MYBPC2: variants seen among roughly 807,000 people sequenced by gnomAD.
The protein encoded by MYBPC2 is myosin binding protein C2.
Under a neutral mutation model 137.0 loss-of-function variants are expected in MYBPC2, and 122 were observed. The ratio of observed to expected loss-of-function variants is 0.89; its 90% CI spans 0.77 to 1.03. The LOEUF is 1.03. MYBPC2 is among the 50% of genes least tolerant of loss of function. The pLI, the probability that MYBPC2 is intolerant of heterozygous loss-of-function variation, is 0.00. For synonymous variants in MYBPC2, 626 were observed against 612.3 expected (o/e 1.02, Z -0.33); for missense variants, 1,500 against 1,534.4 (o/e 0.98, Z 0.37).
At chr19:50,438,513 A>C (rs1188117342) in intron 7 of MYBPC2, among the ~76,000 whole-genome samples, 1 of 152,186 alleles carries the variant, frequency 6.6e-6, no homozygotes, top group Non-Finnish European at 1.5e-5. Flanking sequence ...TGACACGCCC[A>C]TCCACACAGA....
Position 50,440,898 on chromosome 19 carries a change from G to A in MYBPC2, c.591G>A (p.Glu197=), listed in dbSNP as rs1254619596. 3.1e-6 allele frequency: 5 copies of A among 1,611,684 alleles called. No individual in the cohort carries two copies. The East Asian group carries it at 6.7e-5, about 22-fold the overall frequency. The change falls in exon 8 of 28, where the codon GAG becomes GAA. Residue 197 remains glutamate (E), a synonymous_variant. Transcript: ENST00000357701. ...LLKKREVVEE[E]KKKKKKDDDD... ...CCGCCAGGGAGGTGGTGGAGGAGGAGAAGAAGAAGAAAAAGAAAGATGACG... is the reference window on the plus strand; with the variant it reads ...CCGCCAGGGAGGTGGTGGAGGAGGAAAAGAAGAAGAAAAAGAAAGATGACG...
rs763154867 is a variant in MYBPC2, at chr19:50,436,795, A to C, written c.463+61A>C. 1,198 of 1,500,760 alleles carry C rather than the reference A, an allele frequency of 8.0e-4. 4 individuals are homozygous for C. Among genetic ancestry groups the C allele is most frequent in the Non-Finnish European group, 8.8e-4 (950 of 1,082,152 alleles). The allele number at this position is 1,500,760 out of a possible 1,614,324, so 93.0% of individuals were successfully genotyped here. A position where few individuals can be genotyped will look rare whatever the true frequency, so the allele number is the denominator to read the frequency against. Reference sequence around the variant, plus strand: ...ATGTCTGGGTGGGGTGGACAGATGTACCAGCCAGGTGTTGGGAGAGTGCAC... The same window carrying C: ...ATGTCTGGGTGGGGTGGACAGATGTCCCAGCCAGGTGTTGGGAGAGTGCAC... On this transcript the variant is annotated intron_variant, in intron 5 of 27. Coordinates refer to ENST00000357701, the MANE Select transcript of MYBPC2 (RefSeq NM_004533.4).
At chr19:50,452,500 G>C (rs57359208) in intron 16 of MYBPC2, among the ~76,000 whole-genome samples, 16,418 of 93,046 alleles carry the variant, frequency 0.18, 1,377 homozygotes, top group African/African-American at 0.38. Flanking sequence ...ATGTATGTAT[G>C]TATGTATGTA....
intron 1 of MYBPC2, 71 bp downstream of exon 1, chr19:50,433,043 T>C (rs1418063589): frequency 4.7e-6 from 7 of 1,497,012 alleles, no homozygotes; most frequent in Non-Finnish European, 6.2e-6. Flanking sequence ...GGGACCCCTC[T>C]GTTTGTAGGG....
chr19:50,446,512 TAAAACA>T (rs998688068), intron 12 of MYBPC2, among the ~76,000 whole-genome samples: 18 of 125,940 alleles, frequency 1.4e-4, no homozygotes, highest in Non-Finnish European at 2.5e-4. Context: ...GACTCTGTCT[TAAAACA>T]AAAACAAAAA....
intron 24 of MYBPC2, 141 bp downstream of exon 24, chr19:50,460,320 C>G: frequency 8.2e-7 from 1 of 1,219,528 alleles, no homozygotes; most frequent in Non-Finnish European, 1.1e-6. Flanking sequence ...AGCCTTTTAG[C>G]TGAGACTTGG....
chr19:50,437,202 AATG>A (rs1345633475), intron 5 of MYBPC2, among the ~76,000 whole-genome samples: 1 of 151,892 alleles, frequency 6.6e-6, no homozygotes, highest in Non-Finnish European at 1.5e-5. Context: ...GTGCACAGGA[AATG>A]AGATTGTCCA....
chr19:50,457,317 T>C (rs1295421921), intron 20 of MYBPC2, among the ~76,000 whole-genome samples: 1 of 152,162 alleles, frequency 6.6e-6, no homozygotes, highest in Non-Finnish European at 1.5e-5. Flanking sequence ...CTCTGTTGAT[T>C]GCTGCTCTGA....
intron 26 of MYBPC2, 198 bp from the exon 27 acceptor site, chr19:50,464,148 C>T (rs531739207): frequency 2.5e-5 from 13 of 528,812 alleles, no homozygotes; most frequent in Non-Finnish European, 3.7e-5. Context: ...AAGACCCCAC[C>T]GTTACCCTGT....
intron 1 of MYBPC2, among the ~76,000 whole-genome samples, chr19:50,433,359 G>A (rs2039674159): frequency 1.3e-5 from 2 of 151,512 alleles, no homozygotes; most frequent in South Asian, 4.2e-4. Context: ...TGGGGATGGG[G>A]GTCTGTGTGT....
At chr19:50,451,415 C>A in intron 15 of MYBPC2, 106 bp downstream of exon 15, 1 of 466,228 alleles carries the variant, frequency 2.1e-6, no homozygotes, top group Non-Finnish European at 3.3e-6. Context: ...GAAGGATGGG[C>A]GGGGTGCGGG....
intron 11 of MYBPC2, among the ~76,000 whole-genome samples, chr19:50,445,549 C>T (rs1013270223): frequency 5.3e-5 from 8 of 152,046 alleles, no homozygotes; most frequent in Admixed American, 1.3e-4. Flanking sequence ...CCCACCACCA[C>T]ACCTGCCTAA....
In MYBPC2 at chr19:50,435,387, G is replaced by A. The variant is rs561139114; in HGVS notation, c.109+137G>A. ...GCCCCAGGGCTGACCCACGCCTCCC[G>A]TGCTCCCAGCCCTCCCGGGGCTCCC... On this transcript the variant is annotated intron_variant, in intron 2 of 27. Coordinates refer to ENST00000357701, the MANE Select transcript of MYBPC2 (RefSeq NM_004533.4). The surrounding 1 kb of genome is among the most constrained non-coding windows in gnomAD (Gnocchi z 4.8). 1.4e-4 allele frequency: 93 copies of A among 649,326 alleles called. No individual in the cohort carries two copies. Among genetic ancestry groups the A allele is most frequent in the South Asian group, 1.4e-3 (81 of 59,592 alleles). The allele number at this position is 649,326 out of a possible 1,614,324, so 40.2% of individuals were successfully genotyped here.
chr19:50,459,127 A>G lies in MYBPC2; in HGVS notation c.2612A>G (p.Gln871Arg). 1 of 1,406,052 alleles carries G rather than the reference A, an allele frequency of 7.1e-7. No homozygotes were observed. The highest frequency in any genetic ancestry group is 9.5e-7 in the Non-Finnish European group (1 of 1,053,122). The allele number at this position is 1,406,052 out of a possible 1,614,324, so 87.1% of individuals were successfully genotyped here. A position where few individuals can be genotyped will look rare whatever the true frequency, so the allele number is the denominator to read the frequency against. ...TCCCCGCAGGGAAAGCCCCGGCCCC[A>G]GGTGGTGTGGACCAAGGGCGGGGCC... ...VVPFQGKPRP[Q>R]VVWTKGGAPL... The change falls in exon 23 of 28, where the codon CAG (glutamine) becomes CGG (arginine). Residue 871 changes from glutamine to arginine, a missense_variant. Physicochemically the swap from Gln to Arg is conservative, Grantham distance 43 (BLOSUM62 1). Transcript: ENST00000357701.
chr19:50,446,276 C>T (rs1487127396), intron 12 of MYBPC2, among the ~76,000 whole-genome samples: 5 of 152,156 alleles, frequency 3.3e-5, no homozygotes, highest in South Asian at 2.1e-4. Context: ...TTTGGGAGGC[C>T]GAGGCGGGTG....
Position 50,461,950 on chromosome 19 carries a change from C to G in MYBPC2, c.3142C>G (p.Pro1048Ala), listed in dbSNP as rs1256420264. ...EYKEHDFRMA[P>A]KFLTPLIDRV... ...TAAGGAGCATGACTTCCGGATGGCTCCCAAGTTCCTGACACCTCTCATAGA... is the reference window on the plus strand; with the variant it reads ...TAAGGAGCATGACTTCCGGATGGCTGCCAAGTTCCTGACACCTCTCATAGA... The change falls in exon 26 of 28, where the codon CCC (proline) becomes GCC (alanine). Residue 1048 changes from proline (P) to alanine (A), a missense_variant. Physicochemically the swap from Pro to Ala is conservative, Grantham distance 27. Transcript: ENST00000357701. The G allele has an allele frequency of 1.3e-6, 2 of 1,590,746 alleles. No individual in the cohort carries two copies. The highest frequency in any genetic ancestry group is 1.8e-5 in the Admixed American group (1 of 56,860).
intron 25 of MYBPC2, 30 bp downstream of exon 25, chr19:50,461,731 C>T: frequency 1.2e-6 from 2 of 1,611,548 alleles, no homozygotes; most frequent in Non-Finnish European, 1.7e-6. Context: ...CAGCCCAGGC[C>T]CACCCCGTCC....
rs140556932 is a variant in MYBPC2 at position 50,454,258 on chromosome 19, C to A, written c.1910-7C>A. On this transcript the variant is annotated splice_region_variant and splice_polypyrimidine_tract_variant and intron_variant, in intron 17 of 27. Transcript: ENST00000357701. ...GAGGGGCCACCTGACTCTCCTGCCCCCTGCAGATGTCCCAGACCCCCCGGA... is the reference window on the plus strand; with the variant it reads ...GAGGGGCCACCTGACTCTCCTGCCCACTGCAGATGTCCCAGACCCCCCGGA... 6 of 1,613,826 alleles carry A rather than the reference C, an allele frequency of 3.7e-6. No homozygotes were observed. The highest frequency in any genetic ancestry group is 1.7e-5 in the Admixed American group (1 of 59,990).
intron 16 of MYBPC2, among the ~76,000 whole-genome samples, chr19:50,452,972 T>C (rs1365671808): frequency 6.6e-6 from 1 of 152,178 alleles, no homozygotes; most frequent in Non-Finnish European, 1.5e-5. Context: ...TCCTCTTCTG[T>C]AAAATGGACA....
Sources: gnomAD v4.1 joint callset for allele counts (sites outside exome capture counted in the v4.1 genomes callset) on GRCh38, gnomAD v4.1.1 for gene constraint, Gnocchi (gnomAD v3.1) non-coding constraint, MANE v1.5 for transcripts, NCBI Gene and HGNC (gene_info 2026-07-23, HGNC 2026-07-21) for gene names.